SMPD3: variants seen among roughly 807,000 people sequenced by gnomAD.
SMPD3 encodes nSMase-2.
In SMPD3, 21 loss-of-function variants were observed where a neutral mutation model predicts 55.7. That is an observed-to-expected ratio of 0.38 (90% CI 0.27 to 0.54). The LOEUF (loss-of-function observed/expected upper bound fraction) is 0.54, where lower values mean the gene tolerates loss of function less well. Ranked by LOEUF, SMPD3 falls within the 20% of genes least tolerant of loss-of-function variation. The pLI is 0.80. For missense variants in SMPD3, 842 were observed against 899.6 expected, an observed-to-expected ratio of 0.94 and a Z score of 0.82; for synonymous variants, 457 against 404.3, an observed-to-expected ratio of 1.13 and a Z score of -1.56.
intron 1 of SMPD3, among the ~76,000 whole-genome samples, chr16:68,446,751 G>C (rs1041393030): frequency 6.6e-6 from 1 of 152,120 alleles, no homozygotes; most frequent in Admixed American, 6.5e-5. Flanking sequence ...GCCCACTCAC[G>C]CCCTGTGAAC....
In SMPD3 at chr16:68,447,261, G is replaced by A. The variant is rs1357170571; in HGVS notation, c.-269+1092C>T. Among the ~76,000 whole-genome samples, 1 of 152,202 alleles carries A rather than the reference G, an allele frequency of 6.6e-6. No individual in the cohort carries two copies. Among genetic ancestry groups the A allele is most frequent in the African/African-American group, 2.4e-5 (1 of 41,470 alleles). On this transcript the variant is annotated intron_variant, in intron 1 of 8. Coordinates refer to ENST00000219334, the MANE Select transcript of SMPD3 (RefSeq NM_018667.4). This position sits in a 1 kb window ranked among gnomAD's most constrained non-coding sequence, Gnocchi z 5.1. ...CTCGGTTTGGGGTGCGCCCTGCATC[G>A]GAGCGGAGCAGCCCCCAAAGATTCG... is the stretch of plus-strand genomic sequence containing the variant.
rs576086120 is a variant in SMPD3 at position 68,414,118 on chromosome 16, T to A, written c.-268-27459A>T. 3.3e-4 allele frequency among the ~76,000 whole-genome samples: 50 copies of A among 152,320 alleles called. No homozygotes were observed. The South Asian group carries it at 0.01, about 31-fold the overall frequency. On this transcript the variant is annotated intron_variant, in intron 1 of 8. Transcript: ENST00000219334. ...CTCTGTTCCCATAGTCTAACAGGGC[T>A]AGGCTGAGTATAGGCTTGGGTGACC...
intron 3 of SMPD3, among the ~76,000 whole-genome samples, chr16:68,365,729 G>C (rs1039914023): frequency 6.6e-6 from 1 of 152,148 alleles, no homozygotes; most frequent in African/African-American, 2.4e-5. Flanking sequence ...GCTCCATCCT[G>C]AGCCCACTGT....
chr16:68,391,854 C>G (rs2090113796), intron 1 of SMPD3, among the ~76,000 whole-genome samples: 1 of 152,194 alleles, frequency 6.6e-6, no homozygotes, highest in Non-Finnish European at 1.5e-5. Flanking sequence ...TATAGATGGT[C>G]TCTGACTTAC....
chr16:68,382,558 A>G (rs1378272359), intron 2 of SMPD3, among the ~76,000 whole-genome samples: 1 of 152,094 alleles, frequency 6.6e-6, no homozygotes, highest in Non-Finnish European at 1.5e-5. Flanking sequence ...GTGTGGAGAT[A>G]GGAAGGTGGT....
intron 1 of SMPD3, among the ~76,000 whole-genome samples, chr16:68,427,758 G>T (rs1184187995): frequency 2.0e-5 from 3 of 151,812 alleles, no homozygotes; most frequent in Non-Finnish European, 1.5e-5. Context: ...TGACTGGGGG[G>T]GGGTGCTGAT....
intron 2 of SMPD3, among the ~76,000 whole-genome samples, chr16:68,378,574 C>T (rs758514804): frequency 2.0e-5 from 3 of 152,084 alleles, no homozygotes; most frequent in African/African-American, 4.8e-5. Flanking sequence ...CACACCCCCC[C>T]ACCCCCTCAG....
At chr16:68,421,555 TC>T (rs1332023297) in intron 1 of SMPD3, among the ~76,000 whole-genome samples, 4 of 152,096 alleles carry the variant, frequency 2.6e-5, no homozygotes, top group African/African-American at 9.7e-5. Context: ...TGCAAACCAC[TC>T]CCCCAGTACA....
intron 2 of SMPD3, among the ~76,000 whole-genome samples, chr16:68,372,758 G>T (rs773259211): frequency 2.6e-5 from 4 of 152,222 alleles, no homozygotes; most frequent in Non-Finnish European, 5.9e-5. Flanking sequence ...ACCGGGGGCC[G>T]CCGGAAGCCC....
chr16:68,366,159 T>TGAGGGCA (rs2151976437), intron 3 of SMPD3, among the ~76,000 whole-genome samples: 1 of 152,360 alleles, frequency 6.6e-6, no homozygotes, highest in African/African-American at 2.4e-5. Flanking sequence ...AGTTGTTGGC[T>TGAGGGCA]GAGGGCAGAG....
intron 2 of SMPD3, among the ~76,000 whole-genome samples, chr16:68,384,025 A>G (rs890058490): frequency 3.3e-5 from 5 of 152,126 alleles, no homozygotes; most frequent in Non-Finnish European, 5.9e-5. Context: ...TAAACTACAC[A>G]TCATACCACA....
intron 1 of SMPD3, among the ~76,000 whole-genome samples, chr16:68,412,815 T>A (rs1245005955): frequency 6.6e-6 from 1 of 152,218 alleles, no homozygotes; most frequent in African/African-American, 2.4e-5. Flanking sequence ...TCTTCATTGC[T>A]TAGGAAGGCA....
intron 1 of SMPD3, among the ~76,000 whole-genome samples, chr16:68,401,685 G>T (rs1480831553): frequency 6.6e-6 from 1 of 152,172 alleles, no homozygotes; most frequent in Non-Finnish European, 1.5e-5. Context: ...GGAAGTTTCA[G>T]GGCACTGTGC....
intron 5 of SMPD3, among the ~76,000 whole-genome samples, chr16:68,364,215 C>G (rs1261345738): frequency 6.6e-6 from 1 of 152,210 alleles, no homozygotes. Flanking sequence ...TTTGCTGTTT[C>G]ACTGATGACG....
chr16:68,422,486 G>A (rs953757108), intron 1 of SMPD3, among the ~76,000 whole-genome samples: 21 of 152,174 alleles, frequency 1.4e-4, no homozygotes, highest in Admixed American at 2.0e-4. Flanking sequence ...GTATAGTAAA[G>A]TGCTCAGAGG....
chr16:68,411,866 T>A (rs2090304244), intron 1 of SMPD3, among the ~76,000 whole-genome samples: 1 of 152,016 alleles, frequency 6.6e-6, no homozygotes, highest in African/African-American at 2.4e-5. Flanking sequence ...AAGCTCAGAA[T>A]TGGGGGCAGG....
intron 2 of SMPD3, among the ~76,000 whole-genome samples, chr16:68,375,308 AC>A: frequency 1.1e-5 from 1 of 90,140 alleles, no homozygotes; most frequent in East Asian, 2.4e-4. Context: ...TCCCTCATCC[AC>A]CCCCACCCTG....
intron 1 of SMPD3, among the ~76,000 whole-genome samples, chr16:68,409,032 T>C (rs2090275049): frequency 6.6e-6 from 1 of 152,168 alleles, no homozygotes; most frequent in South Asian, 2.1e-4. Context: ...GGCCCTGCAC[T>C]GCAGGTGACT....
Position 68,364,890 on chromosome 16 carries a change from C to G in SMPD3, c.1416G>C (p.Arg472=), listed in dbSNP as rs961938415. 1.2e-6 allele frequency: 2 copies of G among 1,613,894 alleles called. No individual in the cohort carries two copies. The highest frequency in any genetic ancestry group is 1.7e-6 in the Non-Finnish European group (2 of 1,179,942). Residue 472 remains arginine, a synonymous_variant, in exon 5 of 9, where the codon CGG becomes CGC. Coordinates refer to ENST00000219334, the MANE Select transcript of SMPD3 (RefSeq NM_018667.4). ...LHAPQEDSAI[R]CGQLDLLQDW... is the part of the protein sequence containing the mutation. ...CCTGAAGCAGGTCCAGCTGCCCACA[C>G]CGGATGGCGCTGTCCTCTGCAGGGC...
Sources: gnomAD v4.1 joint callset for allele counts (sites outside exome capture counted in the v4.1 genomes callset) on GRCh38, gnomAD v4.1.1 for gene constraint, Gnocchi (gnomAD v3.1) non-coding constraint, MANE v1.5 for transcripts, NCBI Gene and HGNC (gene_info 2026-07-23, HGNC 2026-07-21) for gene names.